The following SMIM12 variants were observed in gnomAD, a reference collection of about 807,000 sequenced individuals.
The protein encoded by SMIM12 is small integral membrane protein 12.
In SMIM12, 5 loss-of-function variants were observed where a neutral mutation model predicts 6.3. The ratio of observed to expected loss-of-function variants is 0.80; its 90% CI spans 0.42 to 1.68. The LOEUF (loss-of-function observed/expected upper bound fraction) is 1.68, where lower values mean the gene tolerates loss of function less well. SMIM12 is among the 40% of genes most tolerant of loss of function. The probability of loss-of-function intolerance (pLI) is 0.02; values close to 1 mark genes in which losing one functional copy is unlikely to be tolerated. For synonymous variants in SMIM12, 51 were observed against 48.0 expected (o/e 1.06, Z -0.26); for missense variants, 103 against 121.4 (o/e 0.85, Z 0.71).
At chr1:34,858,112 T>C (rs550181627) in intron 1 of SMIM12, 1 of 141,930 alleles carries the variant, frequency 7.0e-6, no homozygotes, top group South Asian at 2.2e-4. Context: ...TCATGAAATT[T>C]AAAAAAAAAA....
rs923855663 is a variant in SMIM12 at position 34,854,308 on chromosome 1, C to CA, written c.*1390dup. On this transcript the variant is annotated 3_prime_UTR_variant, in exon 2 of 2. Transcript: ENST00000521580. ...GGGTGACAGAATGAGAGTCCATCTCCAAAAAAAAAGAAAAAAGAAACTACA... is the reference window on the plus strand; with the variant it reads ...GGGTGACAGAATGAGAGTCCATCTCCAAAAAAAAAAGAAAAAAGAAACTACA... 9 of 149,146 alleles carry CA rather than the reference C, an allele frequency of 6.0e-5. No individual in the cohort carries two copies. The highest frequency in any genetic ancestry group is 9.9e-5 in the African/African-American group (4 of 40,516). 9.2% of individuals were successfully genotyped at this position (149,146 alleles called of 1,614,324 possible).
chr1:34,855,997 A>G lies in SMIM12; in HGVS notation c.-5-15T>C, dbSNP rs1638642754. 6.5e-7 allele frequency: 1 copy of G among 1,531,148 alleles called. No individual in the cohort carries two copies. The allele number at this position is 1,531,148 out of a possible 1,614,324, so 94.8% of individuals were successfully genotyped here. ...CCACATGACATCTGCGGAAAAGCAC[A>G]AGGCAGCATTAGAGAACCCAGCATC... On this transcript the variant is annotated splice_polypyrimidine_tract_variant and intron_variant, in intron 1 of 1. Coordinates refer to ENST00000521580, the MANE Select transcript of SMIM12 (RefSeq NM_138428.6).
rs988024530 is a variant in SMIM12 at position 34,853,199 on chromosome 1, C to T, written c.*2500G>A. 4 of 152,458 alleles carry T rather than the reference C, an allele frequency of 2.6e-5. No individual in the cohort carries two copies. Among genetic ancestry groups the T allele is most frequent in the Non-Finnish European group, 5.9e-5 (4 of 68,148 alleles). The allele number at this position is 152,458 out of a possible 1,614,324, so 9.4% of individuals were successfully genotyped here. A position where few individuals can be genotyped will look rare whatever the true frequency, so the allele number is the denominator to read the frequency against. On this transcript the variant is annotated 3_prime_UTR_variant, in exon 2 of 2. Coordinates refer to ENST00000521580, the MANE Select transcript of SMIM12 (RefSeq NM_138428.6). ...ACTGTTCAGGAACTCCACCCTCACC[C>T]ACCTGTGGACACCATCAGGCCTCAC... is the stretch of plus-strand genomic sequence containing the variant.
Position 34,855,041 on chromosome 1 carries a change from T to C in SMIM12, c.*658A>G. ...ATACCACCTGGATGATAAGATTCGA[T>C]CATTATGGTTCTCAGATACCACTTT... On this transcript the variant is annotated 3_prime_UTR_variant, in exon 2 of 2. Coordinates refer to ENST00000521580, the MANE Select transcript of SMIM12 (RefSeq NM_138428.6). 1.6e-6 allele frequency: 2 copies of C among 1,269,044 alleles called. No homozygotes were observed. The highest frequency in any genetic ancestry group is 1.4e-5 in the South Asian group (1 of 71,790). 78.6% of individuals were successfully genotyped at this position (1,269,044 alleles called of 1,614,324 possible). A position where few individuals can be genotyped will look rare whatever the true frequency, so the allele number is the denominator to read the frequency against.
In SMIM12 at chr1:34,851,862, A is replaced by C. The variant is rs1370269886; in HGVS notation, c.*3837T>G. ...ATCCACTCACTCATGTGTTTCAGTG[A>C]ACTGTGACTGGAAGGCCAGTCAAAA... On this transcript the variant is annotated 3_prime_UTR_variant, in exon 2 of 2. Transcript: ENST00000521580. Among the ~76,000 whole-genome samples, 6 of 152,222 alleles carry C rather than the reference A, an allele frequency of 3.9e-5. No homozygotes were observed. Among genetic ancestry groups the C allele is most frequent in the Non-Finnish European group, 5.9e-5 (4 of 68,044 alleles).
chr1:34,855,655 C>A lies in SMIM12; in HGVS notation c.*44G>T, dbSNP rs750474172. On this transcript the variant is annotated 3_prime_UTR_variant, in exon 2 of 2. Coordinates refer to ENST00000521580, the MANE Select transcript of SMIM12 (RefSeq NM_138428.6). Reference sequence around the variant, plus strand: ...GGGCTCTGTCAACATGGTAGCAGGACAAGTCACCACCCACAGTAGGACCAT... The same window carrying A: ...GGGCTCTGTCAACATGGTAGCAGGAAAAGTCACCACCCACAGTAGGACCAT... 6.2e-7 allele frequency: 1 copy of A among 1,613,856 alleles called. No individual in the cohort carries two copies. The highest frequency in any genetic ancestry group is 1.7e-5 in the Admixed American group (1 of 60,024).
chr1:34,856,109 C>CTGTTTT, intron 1 of SMIM12, 127 bp from the exon 2 acceptor site: 1 of 1,118,350 alleles, frequency 8.9e-7, no homozygotes, highest in African/African-American at 1.7e-5. Flanking sequence ...GAGACGGAGT[C>CTGTTTT]TTGCTCTGTC....
Position 34,852,959 on chromosome 1 carries a change from G to A in SMIM12, c.*2740C>T, listed in dbSNP as rs1387554758. 2 of 152,274 alleles carry A rather than the reference G, an allele frequency of 1.3e-5. No homozygotes were observed. The highest frequency in any genetic ancestry group is 4.8e-5 in the African/African-American group (2 of 41,452). 9.4% of individuals were successfully genotyped at this position (152,274 alleles called of 1,614,324 possible). On this transcript the variant is annotated 3_prime_UTR_variant, in exon 2 of 2. Transcript: ENST00000521580. ...GCTCATCAGCCAGAACCTGCAGCCAGAACCAGAAATCTCCTTACTTGGTAG... is the reference window on the plus strand; with the variant it reads ...GCTCATCAGCCAGAACCTGCAGCCAAAACCAGAAATCTCCTTACTTGGTAG...
Position 34,855,137 on chromosome 1 carries a change from C to T in SMIM12, c.*562G>A. 5 of 1,350,120 alleles carry T rather than the reference C, an allele frequency of 3.7e-6. No homozygotes were observed. Among genetic ancestry groups the T allele is most frequent in the Non-Finnish European group, 4.9e-6 (5 of 1,012,264 alleles). 83.6% of individuals were successfully genotyped at this position (1,350,120 alleles called of 1,614,324 possible). ...TGTTTTCAAGCAAATTCACGAGGCA[C>T]ATGTTCGTCCCTGCCCCAAAGTGAA... is the stretch of plus-strand genomic sequence containing the variant. On this transcript the variant is annotated 3_prime_UTR_variant, in exon 2 of 2. Coordinates refer to ENST00000521580, the MANE Select transcript of SMIM12 (RefSeq NM_138428.6).
Position 34,855,483 on chromosome 1 carries a change from CCA to C in SMIM12, c.*214_*215del. The C allele has an allele frequency of 6.2e-7, 1 of 1,602,822 alleles. No homozygotes were observed. The highest frequency in any genetic ancestry group is 8.5e-7 in the Non-Finnish European group (1 of 1,173,054). ...TCAGATGCCTGAGTGCTTGTGGCCA[CCA>C]CACAACAGATGCGGCCTTCCTCTTC... is the stretch of plus-strand genomic sequence containing the variant. On this transcript the variant is annotated 3_prime_UTR_variant, in exon 2 of 2. Coordinates refer to ENST00000521580, the MANE Select transcript of SMIM12 (RefSeq NM_138428.6).
intron 1 of SMIM12, chr1:34,858,688 T>A (rs115506748): frequency 6.6e-6 from 1 of 152,214 alleles, no homozygotes; most frequent in South Asian, 2.1e-4. Context: ...TTAAAACATA[T>A]CGCGCATGAG....
intron 1 of SMIM12, chr1:34,857,875 T>A (rs1437927376): frequency 6.6e-6 from 1 of 152,160 alleles, no homozygotes; most frequent in East Asian, 1.9e-4. Flanking sequence ...TAGATTCTCA[T>A]AAGGGGCACA....
rs1638475917 is a variant in SMIM12 at position 34,852,474 on chromosome 1, A to AAAC, written c.*3224_*3225insGTT. 6.8e-6 allele frequency among the ~76,000 whole-genome samples: 1 copy of AAAC among 146,174 alleles called. No homozygotes were observed. The highest frequency in any genetic ancestry group is 2.7e-5 in the African/African-American group (1 of 36,430). ...AGTTGTTAGATCGCCAAAAAAAAAA[A>AAAC]AAAAAAAAAAACCATAATTATAGGT... On this transcript the variant is annotated 3_prime_UTR_variant, in exon 2 of 2. Transcript: ENST00000521580.
In SMIM12 at chr1:34,855,263, G is replaced by A. The variant is rs1327388191; in HGVS notation, c.*436C>T. ...TCAGTAAGAATGAGCACAAAGGATA[G>A]GGCAAAATAGTGAAGGGAGCCAGGT... On this transcript the variant is annotated 3_prime_UTR_variant, in exon 2 of 2. Transcript: ENST00000521580. The A allele has an allele frequency of 1.5e-6, 2 of 1,372,122 alleles. No individual in the cohort carries two copies. Among genetic ancestry groups the A allele is most frequent in the African/African-American group, 1.5e-5 (1 of 68,082 alleles). The allele number at this position is 1,372,122 out of a possible 1,614,324, so 85.0% of individuals were successfully genotyped here. A position where few individuals can be genotyped will look rare whatever the true frequency, so the allele number is the denominator to read the frequency against.
Position 34,855,779 on chromosome 1 carries a change from T to A in SMIM12, c.199A>T (p.Thr67Ser). 6.4e-7 allele frequency: 1 copy of A among 1,564,062 alleles called. No homozygotes were observed. Among genetic ancestry groups the A allele is most frequent in the Admixed American group, 1.9e-5 (1 of 51,770 alleles). The change falls in exon 2 of 2, where the codon ACG (threonine) becomes TCG (serine). Residue 67 changes from threonine (T) to serine (S), a missense_variant. By Grantham distance (58) the Thr-to-Ser change is moderately conservative. Transcript: ENST00000521580. ...KLDELLGKDH[T>S]QVVSLKDKLE... ...TTGTCCTTAAGGCTCACCACCTGCGTGTGGTCCTTGCCTAGAAGCTCATCC... is the reference window on the plus strand; with the variant it reads ...TTGTCCTTAAGGCTCACCACCTGCGAGTGGTCCTTGCCTAGAAGCTCATCC...
chr1:34,857,255 T>A (rs1036915310), intron 1 of SMIM12: 1 of 2,384 alleles, frequency 4.2e-4, no homozygotes, highest in African/African-American at 1.8e-3. Flanking sequence ...TGGGGTGGGG[T>A]GGGGTGGGGC....
In SMIM12 at chr1:34,850,516, A is replaced by C. The variant is rs1465535856; in HGVS notation, c.*5183T>G. Reference sequence around the variant, plus strand: ...GACTTCTACTTAGCAAATACTATAAAATACGCTCTGTACAGGAAAGAAATA... The same window carrying C: ...GACTTCTACTTAGCAAATACTATAACATACGCTCTGTACAGGAAAGAAATA... On this transcript the variant is annotated 3_prime_UTR_variant, in exon 2 of 2. Coordinates refer to ENST00000521580, the MANE Select transcript of SMIM12 (RefSeq NM_138428.6). Among the ~76,000 whole-genome samples, 1 of 152,196 alleles carries C rather than the reference A, an allele frequency of 6.6e-6. No homozygotes were observed. The highest frequency in any genetic ancestry group is 6.5e-5 in the Admixed American group (1 of 15,280).
Position 34,851,490 on chromosome 1 carries a change from A to C in SMIM12, c.*4209T>G, listed in dbSNP as rs1640928313. The C allele has an allele frequency of 6.6e-6, 1 of 152,180 alleles. No individual in the cohort carries two copies. Among genetic ancestry groups the C allele is most frequent in the Non-Finnish European group, 1.5e-5 (1 of 68,058 alleles). 9.4% of individuals were successfully genotyped at this position (152,180 alleles called of 1,614,324 possible). Reference sequence around the variant, plus strand: ...AGAAAAGGAAAAGTGAGCAAGACGGAGGGGCTTTTACATTTTCACTGCCTG... The same window carrying C: ...AGAAAAGGAAAAGTGAGCAAGACGGCGGGGCTTTTACATTTTCACTGCCTG... On this transcript the variant is annotated 3_prime_UTR_variant, in exon 2 of 2. Transcript: ENST00000521580.
rs12408762 is a variant in SMIM12, at chr1:34,850,757, C to T, written c.*4942G>A. On this transcript the variant is annotated 3_prime_UTR_variant, in exon 2 of 2. Coordinates refer to ENST00000521580, the MANE Select transcript of SMIM12 (RefSeq NM_138428.6). ...TGAAGCGGCATACCCCAGGTCATCACTCAGATCGCTTGCCTCCAAGTCCAA... is the reference window on the plus strand; with the variant it reads ...TGAAGCGGCATACCCCAGGTCATCATTCAGATCGCTTGCCTCCAAGTCCAA... The T allele has an allele frequency of 0.011, 1,677 of 152,326 alleles. 59 individuals carry two copies. Among genetic ancestry groups the T allele is most frequent in the Admixed American group, 0.07 (1,068 of 15,294 alleles). The allele number at this position is 152,326 out of a possible 1,614,324, so 9.4% of individuals were successfully genotyped here.
Sources: allele counts gnomAD v4.1 joint callset (sites outside exome capture counted in the v4.1 genomes callset), GRCh38; gene constraint gnomAD v4.1.1; transcripts MANE v1.5; gene names NCBI Gene and HGNC (gene_info 2026-07-23, HGNC 2026-07-21).